The following RALYL variants were observed in gnomAD, a reference collection of about 807,000 sequenced individuals.
The protein encoded by RALYL is RALY RNA binding protein like.
RALYL carries 29 observed loss-of-function variants against 35.1 expected under a neutral mutation model. The ratio of observed to expected loss-of-function variants is 0.83; its 90% CI spans 0.61 to 1.13. The LOEUF (loss-of-function observed/expected upper bound fraction) is 1.13. Ranked by LOEUF, RALYL falls within the 50% of genes most tolerant of loss-of-function variation. The probability of loss-of-function intolerance (pLI) is 0.00; values close to 1 mark genes in which losing one functional copy is unlikely to be tolerated. For missense variants in RALYL, 359 were observed against 360.4 expected (o/e 1.00, Z 0.03); for synonymous variants, 120 against 127.6 (o/e 0.94, Z 0.40).
intron 2 of RALYL, among the ~76,000 whole-genome samples, chr8:84,666,083 GTA>G (rs1831972125): frequency 6.6e-6 from 1 of 152,008 alleles, no homozygotes; most frequent in South Asian, 2.1e-4. Context: ...TTTTAGATCT[GTA>G]TATGTTTTGT....
chr8:84,909,786 G>T (rs1459894112), intron 8 of RALYL, among the ~76,000 whole-genome samples: 1 of 151,954 alleles, frequency 6.6e-6, no homozygotes, highest in Non-Finnish European at 1.5e-5. Flanking sequence ...ACTTAAAAGG[G>T]GGCTTGACAT....
chr8:84,645,266 TC>T, intron 2 of RALYL, among the ~76,000 whole-genome samples: 2 of 152,010 alleles, frequency 1.3e-5, no homozygotes, highest in Non-Finnish European at 2.9e-5. Flanking sequence ...GTTGTTTACA[TC>T]ATTTAACTTG....
chr8:84,392,617 G>C lies in RALYL; in HGVS notation c.-23-136682G>C, dbSNP rs565397542. ...GCCTGAAGGAGTTGGGGAGGGGCTT[G>C]ACTGTAAAGAGACATCAGGAAACAT... On this transcript the variant is annotated intron_variant, in intron 1 of 8. Coordinates refer to ENST00000521268, the MANE Select transcript of RALYL (RefSeq NM_173848.7). 9.9e-5 allele frequency among the ~76,000 whole-genome samples: 15 copies of C among 152,122 alleles called. No homozygotes were observed. The South Asian group carries it at 3.1e-3, about 32-fold the overall frequency.
intron 8 of RALYL, among the ~76,000 whole-genome samples, chr8:84,919,338 C>T (rs1848957864): frequency 6.6e-6 from 1 of 151,910 alleles, no homozygotes; most frequent in Non-Finnish European, 1.5e-5. Context: ...CTATGGGTTA[C>T]TTTTATTTTA....
intron 4 of RALYL, among the ~76,000 whole-genome samples, chr8:84,830,326 T>A (rs1159705749): frequency 6.6e-6 from 1 of 151,864 alleles, no homozygotes; most frequent in Non-Finnish European, 1.5e-5. Flanking sequence ...ATATAATTAT[T>A]CACAAGCTAT....
chr8:84,680,547 G>A (rs1351292002), intron 2 of RALYL, among the ~76,000 whole-genome samples: 1 of 152,122 alleles, frequency 6.6e-6, no homozygotes, highest in South Asian at 2.1e-4. Context: ...CATTCTAACT[G>A]GTGTGAGATG....
intron 1 of RALYL, among the ~76,000 whole-genome samples, chr8:84,308,160 C>T (rs6473541): frequency 2.7e-5 from 4 of 148,250 alleles, no homozygotes; most frequent in Admixed American, 1.3e-4. Context: ...AGATTCTACA[C>T]GGAAAAAAAA....
chr8:84,457,816 C>CT (rs1381336616), intron 1 of RALYL, among the ~76,000 whole-genome samples: 2 of 151,862 alleles, frequency 1.3e-5, no homozygotes, highest in East Asian at 1.9e-4. Flanking sequence ...ATAACTCCTC[C>CT]TTTTTTTCTA....
chr8:84,244,018 T>C (rs1256466531), intron 1 of RALYL, among the ~76,000 whole-genome samples: 3 of 152,210 alleles, frequency 2.0e-5, no homozygotes, highest in Admixed American at 1.3e-4. Context: ...TCATTTTTTC[T>C]ATGTGGCTTA....
At chr8:84,690,768 T>A (rs1029551448) in intron 2 of RALYL, among the ~76,000 whole-genome samples, 1 of 152,052 alleles carries the variant, frequency 6.6e-6, no homozygotes. Context: ...CTTTAAGTCT[T>A]ATAGCCAAAT....
intron 1 of RALYL, among the ~76,000 whole-genome samples, chr8:84,511,330 A>C (rs1242953348): frequency 2.6e-5 from 4 of 152,238 alleles, no homozygotes. Flanking sequence ...CATAATAGGT[A>C]TAGAATTAAG....
At chr8:84,661,480 T>TAA (rs1830897816) in intron 2 of RALYL, among the ~76,000 whole-genome samples, 1 of 152,022 alleles carries the variant, frequency 6.6e-6, no homozygotes, top group African/African-American at 2.4e-5. Flanking sequence ...TTTATTATTG[T>TAA]AACAATATCT....
At chr8:84,527,660 C>A (rs2058999082) in intron 1 of RALYL, among the ~76,000 whole-genome samples, 1 of 152,050 alleles carries the variant, frequency 6.6e-6, no homozygotes, top group Non-Finnish European at 1.5e-5. Context: ...GAGCATTTGT[C>A]TTGAGATATA....
At chr8:84,879,114 G>A (rs1427067) in intron 7 of RALYL, among the ~76,000 whole-genome samples, 69,606 of 151,954 alleles carry the variant, frequency 0.46, 18,964 homozygotes, top group African/African-American at 0.75. Flanking sequence ...TCAAGATAGA[G>A]GTAACAGAGA....
At chr8:84,711,819 A>C (rs1003435406) in intron 2 of RALYL, among the ~76,000 whole-genome samples, 1 of 152,202 alleles carries the variant, frequency 6.6e-6, no homozygotes, top group Non-Finnish European at 1.5e-5. Flanking sequence ...ATTACAAATT[A>C]AATAGCAATA....
At chr8:84,773,674 G>A (rs1816126383) in intron 2 of RALYL, among the ~76,000 whole-genome samples, 1 of 152,036 alleles carries the variant, frequency 6.6e-6, no homozygotes, top group Non-Finnish European at 1.5e-5. Context: ...TTCTCATTTT[G>A]ACAACCTTGG....
chr8:84,410,631 A>G (rs977839289), intron 1 of RALYL, among the ~76,000 whole-genome samples: 2 of 151,846 alleles, frequency 1.3e-5, no homozygotes, highest in Non-Finnish European at 3.0e-5. Flanking sequence ...ACTAATTAAG[A>G]TCACATTGCA....
intron 1 of RALYL, among the ~76,000 whole-genome samples, chr8:84,495,513 A>G (rs922110405): frequency 2.6e-5 from 4 of 152,226 alleles, no homozygotes; most frequent in Admixed American, 2.6e-4. Context: ...ATATTTAAAG[A>G]AATACACCTT....
At chr8:84,407,541 A>G (rs1158554778) in intron 1 of RALYL, among the ~76,000 whole-genome samples, 1 of 151,646 alleles carries the variant, frequency 6.6e-6, no homozygotes, top group African/African-American at 2.4e-5. Flanking sequence ...TCAAAACTGA[A>G]CATGTTCAGA....
Sources: allele counts gnomAD v4.1 joint callset (sites outside exome capture counted in the v4.1 genomes callset), GRCh38; gene constraint gnomAD v4.1.1; transcripts MANE v1.5; gene names NCBI Gene and HGNC (gene_info 2026-07-23, HGNC 2026-07-21).